PACS1: variants seen among roughly 807,000 people sequenced by gnomAD.
PACS1 encodes PACS-1.
In PACS1, 24 loss-of-function variants were observed where a neutral mutation model predicts 115.0. The ratio of observed to expected loss-of-function variants is 0.21; its 90% CI spans 0.15 to 0.29. The LOEUF is 0.29. Ranked by LOEUF, PACS1 falls within the 10% of genes least tolerant of loss-of-function variation. The probability of loss-of-function intolerance (pLI) is 1.00; values close to 1 mark genes in which losing one functional copy is unlikely to be tolerated. For missense variants in PACS1, 838 were observed against 1,251.2 expected (o/e 0.67, Z 4.98); for synonymous variants, 453 against 504.5 (o/e 0.90, Z 1.37).
In PACS1 at chr11:66,070,667, TCGG is replaced by T; in HGVS notation, c.189_191del (p.Ala65del). The T allele has an allele frequency of 6.4e-7, 1 of 1,570,734 alleles. No homozygotes were observed. Among genetic ancestry groups the T allele is most frequent in the Non-Finnish European group, 8.6e-7 (1 of 1,165,248 alleles). ...GGCCACCTCGTCGTCCTCGTCCACCTCGGCGGCGGCTGCCTCCTCCTCGTCCTC... is the reference window on the plus strand; with the variant it reads ...GGCCACCTCGTCGTCCTCGTCCACCTCGGCGGCTGCCTCCTCCTCGTCCTC... On this transcript the variant is annotated inframe_deletion, in exon 1 of 24. Transcript: ENST00000320580. This position sits in a 1 kb window ranked among gnomAD's most constrained non-coding sequence, Gnocchi z 5.9.
intron 1 of PACS1, among the ~76,000 whole-genome samples, chr11:66,179,151 G>A (rs903777179): frequency 3.9e-5 from 6 of 151,944 alleles, no homozygotes; most frequent in Non-Finnish European, 8.8e-5. Context: ...GTCTCCCTGT[G>A]GTTTGATTTG....
chr11:66,082,584 G>A (rs1008211822), intron 1 of PACS1, among the ~76,000 whole-genome samples: 5 of 152,182 alleles, frequency 3.3e-5, no homozygotes, highest in Non-Finnish European at 4.4e-5. Context: ...GCATCAGGCC[G>A]GGCGCTGTGG....
chr11:66,169,405 CTT>C (rs59423838), intron 1 of PACS1, among the ~76,000 whole-genome samples: 1 of 143,842 alleles, frequency 7.0e-6, no homozygotes, highest in African/African-American at 2.7e-5. Context: ...TGGTTCATTA[CTT>C]TTTTTTTTTG....
At chr11:66,227,938 C>A (rs940693450) in intron 11 of PACS1, among the ~76,000 whole-genome samples, 1 of 152,138 alleles carries the variant, frequency 6.6e-6, no homozygotes, top group Non-Finnish European at 1.5e-5. Flanking sequence ...CCAGGCAACC[C>A]ACAACATTCA....
At chr11:66,082,526 CTCA>C (rs1212103675) in intron 1 of PACS1, among the ~76,000 whole-genome samples, 2 of 152,238 alleles carry the variant, frequency 1.3e-5, no homozygotes, top group East Asian at 3.9e-4. Flanking sequence ...AAAAAAACAC[CTCA>C]TTTGTTATGA....
chr11:66,210,189 C>T (rs960363093), intron 2 of PACS1, among the ~76,000 whole-genome samples, 173 bp from the exon 3 acceptor site: 3 of 151,924 alleles, frequency 2.0e-5, no homozygotes, highest in Admixed American at 1.3e-4. Context: ...TGTACCACCA[C>T]ACCCAGCCAA....
Position 66,243,863 on chromosome 11 carries a change from A to T in PACS1, c.*583A>T, listed in dbSNP as rs1273655644. The T allele has an allele frequency of 6.5e-6, 1 of 152,712 alleles. No individual in the cohort carries two copies. Among genetic ancestry groups the T allele is most frequent in the Non-Finnish European group, 1.5e-5 (1 of 68,414 alleles). 9.5% of individuals were successfully genotyped at this position (152,712 alleles called of 1,614,324 possible). A position where few individuals can be genotyped will look rare whatever the true frequency, so the allele number is the denominator to read the frequency against. ...CCACAGGACCCCTACTTCACAGCTCACAGGGGCAGGAGGCAGCTCCCCTGC... is the reference window on the plus strand; with the variant it reads ...CCACAGGACCCCTACTTCACAGCTCTCAGGGGCAGGAGGCAGCTCCCCTGC... On this transcript the variant is annotated 3_prime_UTR_variant, in exon 24 of 24. Coordinates refer to ENST00000320580, the MANE Select transcript of PACS1 (RefSeq NM_018026.4).
At position 66,220,651 on chromosome 11, in the gene PACS1, T is replaced by C. The variant is rs764466079; in HGVS notation, c.1059T>C (p.His353=). 1.9e-6 allele frequency: 3 copies of C among 1,614,148 alleles called. No individual in the cohort carries two copies. In the Admixed American group the frequency reaches 5.0e-5, roughly 27 times the overall value. Reference sequence around the variant, plus strand: ...TGCAGGTGGGCTTTGGGCTGGAGCATGTGTCCCGCGAGCAGATCCGGGAAG... The same window carrying C: ...TGCAGGTGGGCTTTGGGCTGGAGCACGTGTCCCGCGAGCAGATCCGGGAAG... ...VSDEVGFGLE[H]VSREQIREVE... is the part of the protein sequence containing the mutation. Residue 353 remains histidine (H), a synonymous_variant, in exon 9 of 24, where the codon CAT becomes CAC. Transcript: ENST00000320580.
intron 1 of PACS1, among the ~76,000 whole-genome samples, chr11:66,151,635 A>G (rs1367377736): frequency 6.6e-6 from 1 of 152,270 alleles, no homozygotes. Context: ...TCAGAAGAAC[A>G]CAGTAGAATC....
chr11:66,221,343 G>A lies in PACS1; in HGVS notation c.1293+96G>A, dbSNP rs78407121. On this transcript the variant is annotated intron_variant, in intron 10 of 23. Coordinates refer to ENST00000320580, the MANE Select transcript of PACS1 (RefSeq NM_018026.4). ...CATCTCTGATCAGGGCTCATGTTGT[G>A]ACCTTAGAAAAGTGGCCCCATTGGC... The A allele has an allele frequency of 1.9e-3, 2,113 of 1,113,026 alleles. 49 individuals are homozygous for A. The East Asian group carries it at 0.043, about 23-fold the overall frequency. 68.9% of individuals were successfully genotyped at this position (1,113,026 alleles called of 1,614,324 possible). A position where few individuals can be genotyped will look rare whatever the true frequency, so the allele number is the denominator to read the frequency against.
intron 13 of PACS1, chr11:66,231,936 C>G: frequency 2.3e-6 from 1 of 439,036 alleles, no homozygotes; most frequent in Non-Finnish European, 4.1e-6. Context: ...GCAGGACAAC[C>G]GCTGTGGCTT....
chr11:66,139,320 T>A (rs1858924180), intron 1 of PACS1, among the ~76,000 whole-genome samples: 1 of 152,234 alleles, frequency 6.6e-6, no homozygotes, highest in Non-Finnish European at 1.5e-5. Flanking sequence ...GCATTTATCC[T>A]TTGTGTTACA....
chr11:66,210,810 G>A (rs1296207453), intron 3 of PACS1, among the ~76,000 whole-genome samples: 3 of 152,194 alleles, frequency 2.0e-5, no homozygotes, highest in African/African-American at 4.8e-5. Flanking sequence ...CCTCTACTCC[G>A]TATCCCTCCT....
At chr11:66,139,184 T>C (rs1858920613) in intron 1 of PACS1, among the ~76,000 whole-genome samples, 1 of 152,190 alleles carries the variant, frequency 6.6e-6, no homozygotes, top group Non-Finnish European at 1.5e-5. Flanking sequence ...GCCCGAAATA[T>C]ATAAATTTTT....
chr11:66,084,774 G>A (rs551462979), intron 1 of PACS1, among the ~76,000 whole-genome samples: 11 of 152,284 alleles, frequency 7.2e-5, no homozygotes, highest in Non-Finnish European at 1.5e-4. Context: ...TTATCTTAGC[G>A]ACTTTCTGTG....
intron 13 of PACS1, chr11:66,231,865 C>T (rs1855602671): frequency 3.3e-6 from 1 of 298,678 alleles, no homozygotes; most frequent in South Asian, 4.5e-5. Flanking sequence ...GCCCCTCCTG[C>T]CACCCACACC....
chr11:66,216,901 C>A (rs1393497345), intron 7 of PACS1, 126 bp downstream of exon 7: 1 of 636,380 alleles, frequency 1.6e-6, no homozygotes, highest in Non-Finnish European at 2.9e-6. Flanking sequence ...TCAACGATTC[C>A]AATGAACGCT....
At chr11:66,087,474 C>G (rs1287826259) in intron 1 of PACS1, among the ~76,000 whole-genome samples, 1 of 152,026 alleles carries the variant, frequency 6.6e-6, no homozygotes, top group Non-Finnish European at 1.5e-5. Context: ...AATGCCTGAC[C>G]TTAGGTGATC....
chr11:66,205,099 C>T (rs1040908528), intron 2 of PACS1, among the ~76,000 whole-genome samples: 6 of 152,160 alleles, frequency 3.9e-5, no homozygotes, highest in Admixed American at 2.0e-4. Context: ...ATTCTCCTAC[C>T]TCAGCCTCCC....
Sources: gnomAD v4.1 joint callset for allele counts (sites outside exome capture counted in the v4.1 genomes callset) on GRCh38, gnomAD v4.1.1 for gene constraint, Gnocchi (gnomAD v3.1) non-coding constraint, MANE v1.5 for transcripts, NCBI Gene and HGNC (gene_info 2026-07-23, HGNC 2026-07-21) for gene names.